The following THADA variants were observed in gnomAD, a reference collection of about 807,000 sequenced individuals.
THADA encodes the protein THADA armadillo repeat containing, also known as tRNA (32-2'-O)-methyltransferase regulator THADA.
A neutral mutation model predicts 219.8 loss-of-function variants in THADA; 213 were observed. That is an observed-to-expected ratio of 0.97 (90% CI 0.87 to 1.09). THADA has a LOEUF of 1.09. THADA is among the 50% of genes least tolerant of loss of function. THADA has a pLI of 0.00. For synonymous variants in THADA, 1,018 were observed against 828.9 expected (o/e 1.23, Z -3.92); for missense variants, 2,956 against 2,311.3 (o/e 1.28, Z -5.72).
intron 25 of THADA, among the ~76,000 whole-genome samples, chr2:43,494,668 A>C (rs1368973955): frequency 6.6e-6 from 1 of 152,236 alleles, no homozygotes; most frequent in African/African-American, 2.4e-5. Context: ...TGCCAGGTAC[A>C]TGAGAAATAC....
In THADA at chr2:43,573,007, A is replaced by G. The variant is rs1301466152; in HGVS notation, c.1730-15T>C. 1 of 1,610,888 alleles carries G rather than the reference A, an allele frequency of 6.2e-7. No homozygotes were observed. The highest frequency in any genetic ancestry group is 8.5e-7 in the Non-Finnish European group (1 of 1,178,560). ...TTGCTCTTGTCCTGAAAGCACAATA[A>G]CAAAGACCATTACTGTATTATGCAA... On this transcript the variant is annotated splice_polypyrimidine_tract_variant and intron_variant, in intron 11 of 37. Coordinates refer to ENST00000405975, the MANE Select transcript of THADA (RefSeq NM_022065.5).
At chr2:43,593,213 C>T (rs929859002) in intron 1 of THADA, among the ~76,000 whole-genome samples, 15 of 152,172 alleles carry the variant, frequency 9.9e-5, no homozygotes, top group African/African-American at 3.6e-4. Context: ...ACTGGAATAA[C>T]GAGCAATATG....
intron 28 of THADA, among the ~76,000 whole-genome samples, chr2:43,420,056 T>C (rs1271433429): frequency 1.3e-5 from 2 of 152,228 alleles, no homozygotes; most frequent in Non-Finnish European, 2.9e-5. Flanking sequence ...ATCTTCCCCT[T>C]GTTGGATCCC....
At chr2:43,478,537 T>C (rs961070318) in intron 26 of THADA, among the ~76,000 whole-genome samples, 2 of 152,192 alleles carry the variant, frequency 1.3e-5, no homozygotes, top group African/African-American at 4.8e-5. Context: ...GTCTGGCCCA[T>C]ATAAAATGTA....
chr2:43,408,745 T>A (rs766405816), intron 28 of THADA, among the ~76,000 whole-genome samples: 1 of 152,240 alleles, frequency 6.6e-6, no homozygotes, highest in Non-Finnish European at 1.5e-5. Context: ...AATTCAATCA[T>A]GGACATTTAA....
At chr2:43,296,410 G>A (rs563471369) in intron 31 of THADA, among the ~76,000 whole-genome samples, 18 of 152,110 alleles carry the variant, frequency 1.2e-4, no homozygotes, top group Admixed American at 1.2e-3. Flanking sequence ...AGAGTAGCTG[G>A]AAATACAGGC....
intron 22 of THADA, among the ~76,000 whole-genome samples, chr2:43,523,595 T>C (rs2103701347): frequency 6.6e-6 from 1 of 152,328 alleles, no homozygotes; most frequent in South Asian, 2.1e-4. Flanking sequence ...ATTTGAATCA[T>C]GGTAGCTATA....
chr2:43,245,746 G>A (rs1669076130), intron 36 of THADA, among the ~76,000 whole-genome samples: 1 of 152,226 alleles, frequency 6.6e-6, no homozygotes, highest in Non-Finnish European at 1.5e-5. Flanking sequence ...ACAGCACAGA[G>A]CTCAAGAAAG....
chr2:43,399,533 G>A lies in THADA; in HGVS notation c.4059-1394C>T, dbSNP rs547398469. Among the ~76,000 whole-genome samples the A allele has an allele frequency of 5.9e-5, 9 of 152,288 alleles. No homozygotes were observed. In the East Asian group the frequency reaches 1.7e-3, roughly 29 times the overall value. On this transcript the variant is annotated intron_variant, in intron 28 of 37. Transcript: ENST00000405975. Reference sequence around the variant, plus strand: ...GAATTTCATCATGGTGTTGGGGGAGGCAGGGGAAGAGGAAAAAGAAGTATG... The same window carrying A: ...GAATTTCATCATGGTGTTGGGGGAGACAGGGGAAGAGGAAAAAGAAGTATG...
chr2:43,284,629 T>C (rs1673768826), intron 35 of THADA, among the ~76,000 whole-genome samples: 1 of 152,160 alleles, frequency 6.6e-6, no homozygotes, highest in African/African-American at 2.4e-5. Context: ...CGGGGAAATG[T>C]GGGGTTAGAG....
At chr2:43,548,824 G>C (rs979951110) in intron 20 of THADA, among the ~76,000 whole-genome samples, 10 of 152,240 alleles carry the variant, frequency 6.6e-5, no homozygotes, top group Admixed American at 2.0e-4. Flanking sequence ...CGCTTCCCAA[G>C]TGAGGCAATG....
intron 36 of THADA, among the ~76,000 whole-genome samples, chr2:43,264,063 C>G (rs554673224): frequency 6.6e-6 from 1 of 152,160 alleles, no homozygotes; most frequent in Non-Finnish European, 1.5e-5. Context: ...TCCATCTAGG[C>G]AAACCTACCC....
chr2:43,554,409 G>C (rs774035641), intron 17 of THADA, among the ~76,000 whole-genome samples: 2 of 151,892 alleles, frequency 1.3e-5, no homozygotes, highest in Non-Finnish European at 2.9e-5. Context: ...ATTAGATTTG[G>C]TAAAAACAGT....
chr2:43,511,062 G>T (rs1690372015), intron 22 of THADA, among the ~76,000 whole-genome samples: 1 of 151,922 alleles, frequency 6.6e-6, no homozygotes, highest in Non-Finnish European at 1.5e-5. Context: ...GAATTATAGA[G>T]GTGAATAAGG....
chr2:43,426,752 A>G (rs1236233164), intron 28 of THADA, among the ~76,000 whole-genome samples: 2 of 152,174 alleles, frequency 1.3e-5, no homozygotes, highest in Non-Finnish European at 2.9e-5. Context: ...GAAACCTAGG[A>G]CACTACATAC....
intron 29 of THADA, among the ~76,000 whole-genome samples, chr2:43,396,646 C>T (rs1446277229): frequency 6.6e-6 from 1 of 151,512 alleles, no homozygotes; most frequent in African/African-American, 2.4e-5. Flanking sequence ...ACTAAAAATA[C>T]AAAAATTAGT....
At chr2:43,476,246 T>C (rs201794276) in intron 26 of THADA, among the ~76,000 whole-genome samples, 1 of 152,222 alleles carries the variant, frequency 6.6e-6, no homozygotes, top group East Asian at 1.9e-4. Context: ...GAAATGCTGT[T>C]GCTCTTAAAA....
chr2:43,477,818 CCT>C (rs1455832519), intron 26 of THADA, among the ~76,000 whole-genome samples: 2 of 152,178 alleles, frequency 1.3e-5, no homozygotes, highest in Non-Finnish European at 2.9e-5. Flanking sequence ...TTCCACATGT[CCT>C]CTCTTTCCTC....
intron 29 of THADA, among the ~76,000 whole-genome samples, chr2:43,384,536 A>T (rs1179435197): frequency 1.3e-5 from 2 of 152,254 alleles, no homozygotes; most frequent in Non-Finnish European, 2.9e-5. Context: ...GAACACACAT[A>T]TTTGTACGCT....
Sources: gnomAD v4.1 joint callset for allele counts (sites outside exome capture counted in the v4.1 genomes callset) on GRCh38, gnomAD v4.1.1 for gene constraint, MANE v1.5 for transcripts, NCBI Gene and HGNC (gene_info 2026-07-23, HGNC 2026-07-21) for gene names.